The following SRPK2 variants were observed in gnomAD, a reference collection of about 807,000 sequenced individuals.
SRPK2 encodes SRSF protein kinase 2.
Under a neutral mutation model 90.8 loss-of-function variants are expected in SRPK2, and 21 were observed. The observed-to-expected ratio is 0.23, with a 90% CI of 0.16 to 0.33. The LOEUF (loss-of-function observed/expected upper bound fraction) is 0.33, where lower values mean the gene tolerates loss of function less well. Among genes scored for constraint, SRPK2 ranks in the 10% least tolerant of loss-of-function variants. SRPK2 has a pLI of 1.00. For synonymous variants in SRPK2, 288 were observed against 311.1 expected, an observed-to-expected ratio of 0.93 and a Z score of 0.78; for missense variants, 620 against 869.0, an observed-to-expected ratio of 0.71 and a Z score of 3.60.
intron 2 of SRPK2, among the ~76,000 whole-genome samples, chr7:105,211,138 A>G (rs558414359): frequency 6.6e-6 from 1 of 152,350 alleles, no homozygotes; most frequent in South Asian, 2.1e-4. Flanking sequence ...CTAAGGGTGC[A>G]GTAATTTGTT....
At chr7:105,304,737 G>A (rs1395440638) in intron 2 of SRPK2, among the ~76,000 whole-genome samples, 3 of 152,102 alleles carry the variant, frequency 2.0e-5, no homozygotes, top group African/African-American at 4.8e-5. Flanking sequence ...CCACCTTTCC[G>A]TTTTAGTATC....
At chr7:105,311,257 G>A (rs372060132) in intron 2 of SRPK2, among the ~76,000 whole-genome samples, 2 of 150,804 alleles carry the variant, frequency 1.3e-5, no homozygotes, top group African/African-American at 4.9e-5. Flanking sequence ...TTTTTGAGAC[G>A]GAGTTTCACT....
chr7:105,302,817 T>C (rs1046529105), intron 2 of SRPK2, among the ~76,000 whole-genome samples: 3 of 152,108 alleles, frequency 2.0e-5, no homozygotes, highest in African/African-American at 7.2e-5. Context: ...AAAACATTTC[T>C]CTTGCATATA....
intron 9 of SRPK2, chr7:105,143,649 C>T (rs1004341339): frequency 4.0e-5 from 12 of 296,800 alleles, no homozygotes; most frequent in South Asian, 3.8e-4. Flanking sequence ...AGGAGAAGCT[C>T]CTCTTGCAAG....
rs542552405 is a variant in SRPK2 at position 105,187,676 on chromosome 7, A to T, written c.229+15952T>A. On this transcript the variant is annotated intron_variant, in intron 3 of 15. Transcript: ENST00000393651. ...CCACCACCATCTCAGTGTGTTACCA[A>T]CACAGGCAAAATTACTATTGTCCAA... Among the ~76,000 whole-genome samples, 5 of 152,278 alleles carry T rather than the reference A, an allele frequency of 3.3e-5. No individual in the cohort carries two copies. In the East Asian group the frequency reaches 7.7e-4, roughly 23 times the overall value.
At chr7:105,288,822 T>C (rs1808538624) in intron 2 of SRPK2, among the ~76,000 whole-genome samples, 2 of 152,040 alleles carry the variant, frequency 1.3e-5, no homozygotes, top group Admixed American at 6.6e-5. Flanking sequence ...GGAAGACATG[T>C]GCTAAAGAAA....
chr7:105,308,899 C>T (rs1189529173), intron 2 of SRPK2, among the ~76,000 whole-genome samples: 1 of 152,146 alleles, frequency 6.6e-6, no homozygotes, highest in Non-Finnish European at 1.5e-5. Flanking sequence ...TCATTTCTGG[C>T]CCCTACTAGG....
chr7:105,147,520 C>G (rs1804823328), intron 7 of SRPK2, among the ~76,000 whole-genome samples: 1 of 151,912 alleles, frequency 6.6e-6, no homozygotes, highest in Non-Finnish European at 1.5e-5. Flanking sequence ...GGGGTTTTAC[C>G]ATATTGGCCA....
intron 2 of SRPK2, among the ~76,000 whole-genome samples, chr7:105,352,843 T>A (rs1004942753): frequency 1.4e-4 from 22 of 151,766 alleles, no homozygotes; most frequent in Non-Finnish European, 1.3e-4. Flanking sequence ...GGAGGTTGCA[T>A]GAGCCAAGAT....
intron 2 of SRPK2, among the ~76,000 whole-genome samples, chr7:105,381,043 G>C (rs1385329197): frequency 6.7e-6 from 1 of 149,726 alleles, no homozygotes; most frequent in Non-Finnish European, 1.5e-5. Context: ...CAGATCACTT[G>C]AGGCTTAGGC....
intron 3 of SRPK2, chr7:105,189,825 A>C (rs552757115): frequency 6.5e-6 from 1 of 152,816 alleles, no homozygotes; most frequent in South Asian, 2.0e-4. Context: ...GGTCTTTTTG[A>C]CTAGAAGTTC....
intron 2 of SRPK2, among the ~76,000 whole-genome samples, chr7:105,378,519 C>T (rs1487166301): frequency 6.6e-6 from 1 of 152,066 alleles, no homozygotes; most frequent in Admixed American, 6.6e-5. Flanking sequence ...AATCCCAGCA[C>T]TTTGGGAGGC....
chr7:105,371,731 A>C (rs942350534), intron 2 of SRPK2, among the ~76,000 whole-genome samples: 1 of 152,098 alleles, frequency 6.6e-6, no homozygotes, highest in East Asian at 1.9e-4. Context: ...AAAAAGAAAA[A>C]GAAATGCTAT....
intron 2 of SRPK2, among the ~76,000 whole-genome samples, chr7:105,291,952 T>G (rs1299418045): frequency 6.6e-6 from 1 of 152,232 alleles, no homozygotes; most frequent in Non-Finnish European, 1.5e-5. Flanking sequence ...TCAAATATTT[T>G]AAACAGAAGA....
At chr7:105,393,712 T>A (rs1381707445), upstream of SRPK2, among the ~76,000 whole-genome samples, 2 of 152,010 alleles carry the variant, frequency 1.3e-5, no homozygotes, top group African/African-American at 4.8e-5. Context: ...AAATATAGAA[T>A]TCAGTGTTTT....
At chr7:105,235,304 T>C (rs942176001) in intron 2 of SRPK2, among the ~76,000 whole-genome samples, 31 of 152,268 alleles carry the variant, frequency 2.0e-4, no homozygotes, top group Non-Finnish European at 1.0e-4. Context: ...ATAGATTATT[T>C]GGAAAGACTG....
At chr7:105,254,230 TA>T (rs1802905392) in intron 2 of SRPK2, among the ~76,000 whole-genome samples, 2 of 152,292 alleles carry the variant, frequency 1.3e-5, no homozygotes, top group African/African-American at 4.8e-5. Flanking sequence ...TTTACTAGAG[TA>T]AAGACCTAAA....
chr7:105,343,479 T>C (rs1436469969), intron 2 of SRPK2, among the ~76,000 whole-genome samples: 2 of 152,128 alleles, frequency 1.3e-5, no homozygotes, highest in Non-Finnish European at 2.9e-5. Context: ...TAAACAGTAC[T>C]TTAGCAGTAA....
At chr7:105,115,789 T>G (rs1467170457), downstream of SRPK2, among the ~76,000 whole-genome samples, 1 of 152,186 alleles carries the variant, frequency 6.6e-6, no homozygotes, top group African/African-American at 2.4e-5. Flanking sequence ...TAGACAAATT[T>G]CATTCAAGTA....
Sources: gnomAD v4.1 joint callset for allele counts (sites outside exome capture counted in the v4.1 genomes callset) on GRCh38, gnomAD v4.1.1 for gene constraint, MANE v1.5 for transcripts, NCBI Gene and HGNC (gene_info 2026-07-23, HGNC 2026-07-21) for gene names.